The following CCDC7 variants were observed in gnomAD, a reference collection of about 807,000 sequenced individuals.
The protein encoded by CCDC7 is coiled-coil domain containing 7, also known as coiled-coil domain-containing protein 7.
A neutral mutation model predicts 196.9 loss-of-function variants in CCDC7; 183 were observed. The ratio of observed to expected loss-of-function variants is 0.93; its 90% confidence interval spans 0.82 to 1.05. The LOEUF is 1.05. CCDC7 is among the 50% of genes least tolerant of loss of function. The pLI is 0.00. For synonymous variants in CCDC7, 525 were observed against 484.6 expected (o/e 1.08, Z -1.10); for missense variants, 1,540 against 1,482.2 (o/e 1.04, Z -0.64).
At chr10:32,471,311 C>G in intron 6 of CCDC7, 81 bp downstream of exon 7, 1 of 1,486,642 alleles carries the variant, frequency 6.7e-7, no homozygotes, top group Non-Finnish European at 9.0e-7. Flanking sequence ...GATAATGGGT[C>G]AGATATGATG....
intron 9 of CCDC7, among the ~76,000 whole-genome samples, chr10:32,510,392 T>A (rs377324820): frequency 3.9e-4 from 60 of 152,194 alleles, no homozygotes; most frequent in African/African-American, 1.4e-3. Context: ...AATACTGCAT[T>A]GTATACTTAA....
rs1271833658 is a variant in CCDC7, at chr10:32,462,638, A to T, written c.457-45A>T. On this transcript the variant is annotated intron_variant, in intron 3 of 41. Coordinates refer to ENST00000639629, the Ensembl canonical transcript of CCDC7. ...ACTAAATATTATATTATACATTGTG[A>T]AGCATTCTAATTTTAAATGTGTTAA... The T allele has an allele frequency of 1.6e-5, 22 of 1,333,776 alleles. 1 individual carries two copies. In the East Asian group the frequency reaches 5.6e-4, roughly 34 times the overall value. 82.6% of individuals were successfully genotyped at this position (1,333,776 alleles called of 1,614,324 possible). A position where few individuals can be genotyped will look rare whatever the true frequency, so the allele number is the denominator to read the frequency against.
At chr10:32,609,720 A>T (rs2061899256) in intron 18 of CCDC7, among the ~76,000 whole-genome samples, 2 of 152,160 alleles carry the variant, frequency 1.3e-5, no homozygotes, top group Admixed American at 1.3e-4. Context: ...TAAATGGTTT[A>T]GCACCATCCT....
intron 20 of CCDC7, among the ~76,000 whole-genome samples, chr10:32,643,805 A>G (rs74233146): frequency 0.084 from 12,562 of 150,176 alleles, 566 homozygotes; most frequent in East Asian, 0.16. Flanking sequence ...GTAACTTCAT[A>G]GTTTATTTTG....
chr10:32,514,556 G>T (rs12761944), intron 9 of CCDC7: 52,421 of 152,136 alleles, frequency 0.34, 11,474 homozygotes, highest in Non-Finnish European at 0.5. Flanking sequence ...TCATCAGGCT[G>T]TGAGAAAATA....
At chr10:32,863,518 A>AT (rs982202776) in intron 41 of CCDC7, among the ~76,000 whole-genome samples, 9 of 151,844 alleles carry the variant, frequency 5.9e-5, no homozygotes, top group East Asian at 3.9e-4. Flanking sequence ...ACATTCAGCT[A>AT]TTTTTTTAAT....
At chr10:32,566,647 ATGCC>A (rs1184943832) in intron 14 of CCDC7, among the ~76,000 whole-genome samples, 12 of 151,930 alleles carry the variant, frequency 7.9e-5, no homozygotes, top group Admixed American at 7.2e-4. Context: ...ATCATGGTTC[ATGCC>A]TGTAATCCCA....
At chr10:32,836,663 T>C (rs1174086130) in intron 33 of CCDC7, among the ~76,000 whole-genome samples, 1 of 152,194 alleles carries the variant, frequency 6.6e-6, no homozygotes, top group Admixed American at 6.6e-5. Context: ...ATGTGTCTTT[T>C]GGCTGCATAA....
At chr10:32,822,732 A>G (rs1436211631) in intron 31 of CCDC7, among the ~76,000 whole-genome samples, 1 of 152,172 alleles carries the variant, frequency 6.6e-6, no homozygotes, top group Non-Finnish European at 1.5e-5. Flanking sequence ...CATTTCTGTA[A>G]TAAGCATTGA....
At chr10:32,583,351 C>T (rs1236849346) in intron 17 of CCDC7, 44 bp downstream of exon 18, 2 of 1,129,084 alleles carry the variant, frequency 1.8e-6, no homozygotes, top group African/African-American at 1.6e-5. Context: ...TTTCATATTG[C>T]TCCTTCAATA....
At chr10:32,712,631 G>C (rs927828083) in intron 25 of CCDC7, among the ~76,000 whole-genome samples, 1 of 152,220 alleles carries the variant, frequency 6.6e-6, no homozygotes, top group African/African-American at 2.4e-5. Context: ...TGGAAGCCTT[G>C]TGGAAAGATA....
At chr10:32,664,208 T>G (rs918941944) in intron 21 of CCDC7, 47 bp downstream of exon 22, 7 of 389,656 alleles carry the variant, frequency 1.8e-5, no homozygotes, top group Non-Finnish European at 3.2e-5. Context: ...TAAGATTTAT[T>G]TTTAATTGGC....
chr10:32,704,334 A>T (rs2079316158), intron 24 of CCDC7, among the ~76,000 whole-genome samples: 1 of 152,088 alleles, frequency 6.6e-6, no homozygotes, highest in African/African-American at 2.4e-5. Context: ...GATATTGGTG[A>T]TCAGCGAATG....
intron 28 of CCDC7, among the ~76,000 whole-genome samples, chr10:32,730,536 T>A (rs2083786993): frequency 1.3e-5 from 2 of 151,906 alleles, no homozygotes; most frequent in Admixed American, 6.6e-5. Flanking sequence ...TAATAATGTT[T>A]ATAGTAGTAA....
At chr10:32,833,008 A>C (rs1374470055) in intron 32 of CCDC7, among the ~76,000 whole-genome samples, 1 of 152,112 alleles carries the variant, frequency 6.6e-6, no homozygotes, top group Non-Finnish European at 1.5e-5. Context: ...GGAAATAATA[A>C]AAAGAACCAG....
intron 20 of CCDC7, among the ~76,000 whole-genome samples, chr10:32,639,569 C>G (rs905575021): frequency 2.0e-5 from 3 of 151,196 alleles, no homozygotes; most frequent in Non-Finnish European, 2.9e-5. Flanking sequence ...GATTCTTAAT[C>G]CTGAGTTCTA....
rs762401674 is a variant in CCDC7 at position 32,574,436 on chromosome 10, TAG to T, written c.1454+2546_1454+2547del. On this transcript the variant is annotated intron_variant, in intron 16 of 41. Transcript: ENST00000639629. ...TTTTGGGTTACTTCTTAGATGCTAA[TAG>T]AGTTTCTGAAATACTTTGGAAAAGT... 3.1e-6 allele frequency: 5 copies of T among 1,592,642 alleles called. No individual in the cohort carries two copies. In the East Asian group the frequency reaches 6.9e-5, roughly 22 times the overall value.
intron 9 of CCDC7, among the ~76,000 whole-genome samples, chr10:32,502,204 T>A (rs1360483651): frequency 6.6e-6 from 1 of 152,152 alleles, no homozygotes; most frequent in African/African-American, 2.4e-5. Context: ...ACCAAGAGAA[T>A]TTCCTGGTCT....
At chr10:32,845,222 A>G in intron 33 of CCDC7, 21 bp from the exon 35 acceptor site, 1 of 1,397,412 alleles carries the variant, frequency 7.2e-7, no homozygotes. Context: ...AAATATATTG[A>G]TATCTGTTTT....
Sources: allele counts gnomAD v4.1 joint callset (sites outside exome capture counted in the v4.1 genomes callset), GRCh38; gene constraint gnomAD v4.1.1; transcripts MANE v1.5; gene names NCBI Gene and HGNC (gene_info 2026-07-23, HGNC 2026-07-21).